The following ZNF837 variants were observed in gnomAD, a reference collection of about 807,000 sequenced individuals.
ZNF837 encodes zinc finger protein 837.
For missense variants in ZNF837, 955 were observed against 801.7 expected (o/e 1.19, Z -2.31); for synonymous variants, 475 against 365.2 (o/e 1.30, Z -3.43).
rs1404493043 is a variant in ZNF837, at chr19:58,368,157, C to T, written c.1176G>A (p.Ala392=). 6.3e-7 allele frequency: 1 copy of T among 1,582,794 alleles called. No individual in the cohort carries two copies. The highest frequency in any genetic ancestry group is 2.3e-5 in the East Asian group (1 of 43,312). ...RRVHTGEKPY[A]CPECGKAFNQ... is the part of the protein sequence containing the mutation. ...TGAAGGCCTTGCCGCACTCGGGGCA[C>T]GCGTAGGGCTTCTCGCCGGTGTGCA... Residue 392 remains alanine (A), a synonymous_variant, in exon 3 of 3, where the codon GCG becomes GCA. Transcript: ENST00000597582.
Position 58,368,254 on chromosome 19 carries a change from TCCCCGGCTCCCGA to T in ZNF837, c.1066_1078del (p.Ser356ArgfsTer47). 1 of 1,489,868 alleles carries T rather than the reference TCCCCGGCTCCCGA, an allele frequency of 6.7e-7. No individual in the cohort carries two copies. Among genetic ancestry groups the T allele is most frequent in the Non-Finnish European group, 8.9e-7 (1 of 1,124,418 alleles). 92.3% of individuals were successfully genotyped at this position (1,489,868 alleles called of 1,614,324 possible). On this transcript the variant is annotated frameshift_variant, in exon 3 of 3. Coordinates refer to ENST00000597582, the MANE Select transcript of ZNF837 (RefSeq NM_138466.2). LOFTEE classifies it low-confidence loss of function (END_TRUNC). ...GCAGTCGGCGCACTCGTACGGCTTC[TCCCCGGCTCCCGA>T]CCCCCGTCGGGGACTCCGCTCGCTG...
chr19:58,368,812 G>A lies in ZNF837; in HGVS notation c.521C>T (p.Thr174Ile), dbSNP rs1480758727. ...GGTCCTCGGGCAGGTCGGAGCGCCA[G>A]TCCCTGGTTGGCACGGCCAACAGTC... The part of the protein sequence containing the change: ...HTDCWPCQPG[T>I]GAPTCPRTPK... The change falls in exon 3 of 3, where the codon ACT becomes ATT. Residue 174 changes from threonine (T) to isoleucine (I), a missense_variant. Coordinates refer to ENST00000597582, the MANE Select transcript of ZNF837 (RefSeq NM_138466.2). The A allele has an allele frequency of 2.6e-6, 4 of 1,546,082 alleles. No homozygotes were observed. In the African/African-American group the frequency reaches 5.5e-5, roughly 21 times the overall value.
chr19:58,368,087 C>T lies in ZNF837; in HGVS notation c.1246G>A (p.Ala416Thr), dbSNP rs1175041257. 3 of 1,554,058 alleles carry T rather than the reference C, an allele frequency of 1.9e-6. No homozygotes were observed. Among genetic ancestry groups the T allele is most frequent in the Non-Finnish European group, 1.7e-6 (2 of 1,152,478 alleles). ...CACAGTGGGCACGCGTAGGGCTTGG[C>T]GCTGCTGTGAGTGCGCTGGTGCCGG... ...LSRHQRTHSS[A>T]KPYACPLCEK... is the part of the protein sequence containing the mutation. The change falls in exon 3 of 3, where the codon GCC (alanine) becomes ACC (threonine). Residue 416 changes from alanine to threonine, a missense_variant. Ala to Thr is a moderately conservative substitution (Grantham distance 58). Transcript: ENST00000597582.
intron 1 of ZNF837, among the ~76,000 whole-genome samples, chr19:58,379,103 G>A (rs989830251): frequency 1.3e-5 from 2 of 152,230 alleles, no homozygotes; most frequent in African/African-American, 2.4e-5. Flanking sequence ...GAATGTGTGT[G>A]TTGTAAGGGG....
chr19:58,380,746 C>G (rs891499911), intron 1 of ZNF837, among the ~76,000 whole-genome samples, 195 bp downstream of exon 1: 3 of 152,220 alleles, frequency 2.0e-5, no homozygotes, highest in African/African-American at 7.2e-5. Flanking sequence ...CCGTCCCGCC[C>G]GGAACTCAAG....
intron 1 of ZNF837, among the ~76,000 whole-genome samples, chr19:58,378,500 T>C (rs2052266718): frequency 6.6e-6 from 1 of 152,100 alleles, no homozygotes; most frequent in Non-Finnish European, 1.5e-5. Context: ...TCTAGGGACT[T>C]AGGGGCTGAG....
chr19:58,369,482 A>C, intron 2 of ZNF837, 121 bp from the exon 3 acceptor site: 1 of 770,388 alleles, frequency 1.3e-6, no homozygotes, highest in Non-Finnish European at 1.8e-6. Flanking sequence ...CTCTCTGCAG[A>C]TGCGAAAGGG....
At chr19:58,370,643 C>A (rs1359726698) in intron 1 of ZNF837, among the ~76,000 whole-genome samples, 1 of 152,150 alleles carries the variant, frequency 6.6e-6, no homozygotes, top group African/African-American at 2.4e-5. Context: ...CGCCTGTAAT[C>A]CCAGCACTTT....
At chr19:58,370,733 T>C (rs542700151) in intron 1 of ZNF837, among the ~76,000 whole-genome samples, 3 of 150,952 alleles carry the variant, frequency 2.0e-5, no homozygotes, top group Admixed American at 6.6e-5. Flanking sequence ...CCGTCTCTAC[T>C]AAAAATACAA....
Position 58,369,102 on chromosome 19 carries a change from C to T in ZNF837, c.231G>A (p.Gly77=), listed in dbSNP as rs568725405. 1.5e-3 allele frequency: 2,202 copies of T among 1,505,766 alleles called. 1 individual carries two copies. Among genetic ancestry groups the T allele is most frequent in the Non-Finnish European group, 1.9e-3 (2,110 of 1,127,748 alleles). 93.3% of individuals were successfully genotyped at this position (1,505,766 alleles called of 1,614,324 possible). The part of the protein sequence containing the change: ...GCSLGVSPGP[G]TRHSAGTRPL... ...GTCTGGTCCCGGCGCTGTGCCGGGT[C>T]CCCGGGCCGGGGCTCACCCCGAGGC... Residue 77 remains glycine (G), a synonymous_variant, in exon 3 of 3, where the codon GGG becomes GGA. Coordinates refer to ENST00000597582, the MANE Select transcript of ZNF837 (RefSeq NM_138466.2).
In ZNF837 at chr19:58,379,952, G is replaced by A. The variant is rs536437277; in HGVS notation, c.-140+989C>T. Among the ~76,000 whole-genome samples, 36 of 152,182 alleles carry A rather than the reference G, an allele frequency of 2.4e-4. No homozygotes were observed. In the South Asian group the frequency reaches 7.5e-3, roughly 32 times the overall value. ...GGAGGTTGCAGTGAGCCGAGATCGC[G>A]CCACTGCACTCCAGCCTGGGCAACA... On this transcript the variant is annotated intron_variant, in intron 1 of 2. Coordinates refer to ENST00000597582, the MANE Select transcript of ZNF837 (RefSeq NM_138466.2).
At chr19:58,370,917 A>G (rs2052194660) in intron 1 of ZNF837, among the ~76,000 whole-genome samples, 2 of 132,306 alleles carry the variant, frequency 1.5e-5, no homozygotes, top group Admixed American at 1.6e-4. Context: ...GAAAAAAAGA[A>G]AAGAGAGAGA....
At chr19:58,374,712 A>G (rs2052227297) in intron 1 of ZNF837, among the ~76,000 whole-genome samples, 1 of 152,130 alleles carries the variant, frequency 6.6e-6, no homozygotes, top group Non-Finnish European at 1.5e-5. Flanking sequence ...GAAGGTGGGA[A>G]GATTACTTGA....
Position 58,368,052 on chromosome 19 carries a change from G to A in ZNF837, c.1281C>T (p.Ala427=), listed in dbSNP as rs996003170. 3 of 1,541,110 alleles carry A rather than the reference G, an allele frequency of 1.9e-6. No individual in the cohort carries two copies. Among genetic ancestry groups the A allele is most frequent in the Non-Finnish European group, 2.6e-6 (3 of 1,147,232 alleles). The change falls in exon 3 of 3, where the codon GCC becomes GCT. Residue 427 remains alanine, a synonymous_variant. Coordinates refer to ENST00000597582, the MANE Select transcript of ZNF837 (RefSeq NM_138466.2). ...GCACCAGGCCCGAGCGGCCCTTGAAGGCCTTTTCGCACAGTGGGCACGCGT... is the reference window on the plus strand; with the variant it reads ...GCACCAGGCCCGAGCGGCCCTTGAAAGCCTTTTCGCACAGTGGGCACGCGT... ...KPYACPLCEK[A]FKGRSGLVQH...
Position 58,367,782 on chromosome 19 carries a change from G to C in ZNF837, c.1551C>G (p.Asn517Lys), listed in dbSNP as rs555944487. Reference sequence around the variant, plus strand: ...CGTGCCGCTTCCGGTGCTCGTTGAGGTTGGAGCGTTGGCTGAAGGCGCGGC... The same window carrying C: ...CGTGCCGCTTCCGGTGCTCGTTGAGCTTGGAGCGTTGGCTGAAGGCGCGGC... ...DCGRAFSQRS[N>K]LNEHRKRHGG... Residue 517 changes from asparagine (N) to lysine (K), a missense_variant, in exon 3 of 3, where the codon AAC becomes AAG. Asn to Lys is a moderately conservative substitution (Grantham distance 94). Coordinates refer to ENST00000597582, the MANE Select transcript of ZNF837 (RefSeq NM_138466.2). The C allele has an allele frequency of 6.5e-7, 1 of 1,536,038 alleles. No individual in the cohort carries two copies. The highest frequency in any genetic ancestry group is 1.4e-5 in the African/African-American group (1 of 73,032).
chr19:58,368,115 C>G lies in ZNF837; in HGVS notation c.1218G>C (p.Leu406=). The change falls in exon 3 of 3, where the codon CTG becomes CTC. Residue 406 remains leucine, a synonymous_variant. Coordinates refer to ENST00000597582, the MANE Select transcript of ZNF837 (RefSeq NM_138466.2). The part of the protein sequence containing the change: ...CGKAFNQRSN[L]SRHQRTHSSA... ...TGCTGTGAGTGCGCTGGTGCCGGCT[C>G]AGGTTCGAGCGCTGGTTGAAGGCCT... 6.4e-7 allele frequency: 1 copy of G among 1,574,048 alleles called. No homozygotes were observed. Among genetic ancestry groups the G allele is most frequent in the Non-Finnish European group, 8.6e-7 (1 of 1,162,336 alleles).
rs1417170324 is a variant in ZNF837 at position 58,368,415 on chromosome 19, C to T, written c.918G>A (p.Lys306=). The change falls in exon 3 of 3, where the codon AAG becomes AAA. Residue 306 remains lysine, a synonymous_variant. Coordinates refer to ENST00000597582, the MANE Select transcript of ZNF837 (RefSeq NM_138466.2). ...ACAGGCCGGAGCAGCGCACGAAGGC[C>T]TTGCCGCACTCGGCGCACTCGTAGG... ...ERPYECAECG[K]AFVRCSGLYR... The T allele has an allele frequency of 2.6e-6, 4 of 1,548,468 alleles. No individual in the cohort carries two copies. Among genetic ancestry groups the T allele is most frequent in the Admixed American group, 3.9e-5 (2 of 51,564 alleles).
intron 1 of ZNF837, among the ~76,000 whole-genome samples, chr19:58,376,912 T>C (rs917782619): frequency 7.7e-6 from 1 of 129,296 alleles, no homozygotes; most frequent in African/African-American, 3.0e-5. Flanking sequence ...AAACCCTGTC[T>C]CTATTAAAAA....
rs1185632884 is a variant in ZNF837 at position 58,369,291 on chromosome 19, G to T, written c.42C>A (p.Pro14=). ...PAQKAGQGGL[P]KADAQGASGA... is the part of the protein sequence containing the mutation. ...CGGAGGCACCCTGGGCATCGGCCTT[G>T]GGGAGTCCTCCCTGCCCAGCCTTCT... The change falls in exon 3 of 3, where the codon CCC becomes CCA. Residue 14 remains proline (P), a synonymous_variant. Transcript: ENST00000597582. The T allele has an allele frequency of 3.6e-6, 5 of 1,393,960 alleles. No individual in the cohort carries two copies. In the East Asian group the frequency reaches 1.4e-4, roughly 40 times the overall value. The allele number at this position is 1,393,960 out of a possible 1,614,324, so 86.3% of individuals were successfully genotyped here. A position where few individuals can be genotyped will look rare whatever the true frequency, so the allele number is the denominator to read the frequency against.
Sources: gnomAD v4.1 joint callset for allele counts (sites outside exome capture counted in the v4.1 genomes callset) on GRCh38, gnomAD v4.1.1 for gene constraint, MANE v1.5 for transcripts, NCBI Gene and HGNC (gene_info 2026-07-23, HGNC 2026-07-21) for gene names.